The following NAV2 variants were observed in gnomAD, a reference collection of about 807,000 sequenced individuals.
NAV2 encodes helicase, APC down-regulated 1.
A neutral mutation model predicts 223.2 loss-of-function variants in NAV2; 54 were observed. The observed-to-expected ratio is 0.24, with a 90% CI of 0.19 to 0.30. NAV2 has a LOEUF of 0.30. NAV2 is among the 10% of genes least tolerant of loss of function. NAV2 has a pLI of 1.00. For missense variants in NAV2, 2,806 were observed against 3,147.5 expected, an observed-to-expected ratio of 0.89 and a Z score of 2.60; for synonymous variants, 1,279 against 1,239.3, an observed-to-expected ratio of 1.03 and a Z score of -0.67.
At chr11:19,761,057 T>C (rs1190258964) in intron 1 of NAV2, among the ~76,000 whole-genome samples, 1 of 152,158 alleles carries the variant, frequency 6.6e-6, no homozygotes, top group African/African-American at 2.4e-5. Context: ...TTTGTTGAGA[T>C]GGAGGCCAGA....
intron 1 of NAV2, among the ~76,000 whole-genome samples, chr11:19,501,413 T>C (rs1328655443): frequency 6.6e-6 from 1 of 152,146 alleles, no homozygotes; most frequent in Non-Finnish European, 1.5e-5. Context: ...GCTACCGACC[T>C]GCCTACCTTT....
intron 1 of NAV2, among the ~76,000 whole-genome samples, chr11:19,655,939 G>A (rs537955868): frequency 7.4e-4 from 112 of 152,096 alleles, no homozygotes; most frequent in African/African-American, 2.6e-3. Flanking sequence ...AAAGATCAAA[G>A]AGCAGCCTCA....
At chr11:19,480,718 T>G (rs1379455323) in intron 1 of NAV2, among the ~76,000 whole-genome samples, 2 of 152,326 alleles carry the variant, frequency 1.3e-5, no homozygotes, top group South Asian at 2.1e-4. Context: ...GGGCTTTATC[T>G]CCTCATGCAG....
intron 17 of NAV2, among the ~76,000 whole-genome samples, chr11:20,052,381 G>A (rs1451178457): frequency 3.3e-5 from 5 of 152,216 alleles, no homozygotes; most frequent in Admixed American, 1.3e-4. Flanking sequence ...CCTGCAGGAA[G>A]TTGTTGAGCA....
At chr11:19,770,760 C>T (rs1297587659) in intron 1 of NAV2, among the ~76,000 whole-genome samples, 3 of 152,100 alleles carry the variant, frequency 2.0e-5, no homozygotes, top group East Asian at 1.9e-4. Flanking sequence ...ATGTTTCGAG[C>T]GTTTTGAGGG....
At chr11:19,473,974 C>T (rs1404451310) in intron 1 of NAV2, among the ~76,000 whole-genome samples, 1 of 152,216 alleles carries the variant, frequency 6.6e-6, no homozygotes, top group African/African-American at 2.4e-5. Flanking sequence ...CAGGGGTCCT[C>T]ATCAGGTCCG....
At chr11:20,094,223 C>CTTTTTTTTTTTTTT (rs61099684) in intron 29 of NAV2, among the ~76,000 whole-genome samples, 2 of 88,520 alleles carry the variant, frequency 2.3e-5, no homozygotes, top group African/African-American at 4.8e-5. Context: ...TTTTCTTTAT[C>CTTTTTTTTTTTTTT]TTTTTTTTTT....
At chr11:20,071,794 T>C (rs2153644867) in intron 22 of NAV2, among the ~76,000 whole-genome samples, 1 of 152,338 alleles carries the variant, frequency 6.6e-6, no homozygotes, top group East Asian at 1.9e-4. Flanking sequence ...TGTTTTTTTC[T>C]TGTAAATTTG....
chr11:20,018,048 A>G (rs975047134), intron 11 of NAV2, among the ~76,000 whole-genome samples: 1 of 152,182 alleles, frequency 6.6e-6, no homozygotes, highest in African/African-American at 2.4e-5. Flanking sequence ...TTAAGGAAAC[A>G]AAAAGTCAGT....
chr11:19,695,756 T>C (rs1051872963), intron 1 of NAV2, among the ~76,000 whole-genome samples: 4 of 151,800 alleles, frequency 2.6e-5, no homozygotes, highest in Non-Finnish European at 4.4e-5. Flanking sequence ...ATATAAAAAT[T>C]AGCCAGGCAT....
At chr11:20,018,145 G>A (rs2153526072) in intron 11 of NAV2, among the ~76,000 whole-genome samples, 1 of 152,220 alleles carries the variant, frequency 6.6e-6, no homozygotes, top group Middle Eastern at 3.4e-3. Flanking sequence ...CTTGAGATCA[G>A]GAGTTTGAGA....
chr11:19,959,347 A>G (rs2048161389), intron 10 of NAV2, among the ~76,000 whole-genome samples: 1 of 152,200 alleles, frequency 6.6e-6, no homozygotes, highest in African/African-American at 2.4e-5. Context: ...AGTTCATTGC[A>G]ACCCAAGGCA....
chr11:19,894,047 G>GTA lies in NAV2; in HGVS notation c.931+1463_931+1464dup, dbSNP rs571680710. Among the ~76,000 whole-genome samples the GTA allele has an allele frequency of 3.7e-4, 56 of 152,142 alleles. 2 individuals are homozygous for GTA. In the South Asian group the frequency reaches 6.7e-3, roughly 18 times the overall value. ...TGTATGTATATATGTATTTGTGTGT[G>GTA]TATATATATATGTAACAGAAAGTTT... On this transcript the variant is annotated intron_variant, in intron 6 of 37. Transcript: ENST00000349880.
At chr11:19,861,151 G>A (rs2061761373) in intron 3 of NAV2, among the ~76,000 whole-genome samples, 2 of 152,044 alleles carry the variant, frequency 1.3e-5, no homozygotes, top group Non-Finnish European at 2.9e-5. Flanking sequence ...CTCTTAAACA[G>A]ATATTGTCAC....
At chr11:19,558,780 C>T (rs11828892) in intron 1 of NAV2, among the ~76,000 whole-genome samples, 14,080 of 152,232 alleles carry the variant, frequency 0.092, 2,182 homozygotes, top group African/African-American at 0.32. Flanking sequence ...GATGTTTTCT[C>T]ATAGACAAGG....
intron 1 of NAV2, among the ~76,000 whole-genome samples, chr11:19,673,969 C>A (rs540275994): frequency 1.3e-5 from 2 of 152,164 alleles, no homozygotes; most frequent in African/African-American, 4.8e-5. Flanking sequence ...TGGGGCCAGG[C>A]GCCTCCTCCA....
chr11:20,026,338 T>G lies in NAV2; in HGVS notation c.2769-9621T>G, dbSNP rs1159946797. On this transcript the variant is annotated intron_variant, in intron 11 of 37. Transcript: ENST00000349880. ...TATTTTTATTTTTTTTGAGACAGAG[T>G]CTCACTCTGTCACCCAGGCTGGAGT... is the stretch of plus-strand genomic sequence containing the variant. Among the ~76,000 whole-genome samples the G allele has an allele frequency of 1.3e-5, 2 of 151,834 alleles. 1 individual carries two copies. Among genetic ancestry groups the G allele is most frequent in the South Asian group, 4.2e-4 (2 of 4,788 alleles).
upstream of NAV2, among the ~76,000 whole-genome samples, chr11:19,709,314 G>A (rs547447750): frequency 6.6e-5 from 10 of 151,764 alleles, no homozygotes; most frequent in South Asian, 6.3e-4. Flanking sequence ...AGGCCAAGGC[G>A]GGCGAATCAC....
At chr11:19,980,655 T>C in intron 10 of NAV2, among the ~76,000 whole-genome samples, 1 of 152,210 alleles carries the variant, frequency 6.6e-6, no homozygotes, top group South Asian at 2.1e-4. Flanking sequence ...TAAATTATGC[T>C]TTCTTAAGGC....
Sources: gnomAD v4.1 joint callset for allele counts (sites outside exome capture counted in the v4.1 genomes callset) on GRCh38, gnomAD v4.1.1 for gene constraint, MANE v1.5 for transcripts, NCBI Gene and HGNC (gene_info 2026-07-23, HGNC 2026-07-21) for gene names.